EYS: variants seen among roughly 807,000 people sequenced by gnomAD.
EYS encodes EGF-like photoreceptor maintenance factor, also known as protein eyes shut homolog.
Under a neutral mutation model 282.1 loss-of-function variants are expected in EYS, and 250 were observed. The observed-to-expected ratio is 0.89, with a 90% confidence interval of 0.80 to 0.98. EYS has a LOEUF of 0.98. EYS is among the 50% of genes least tolerant of loss of function. The pLI is 0.00. For synonymous variants in EYS, 1,355 were observed against 1,282.9 expected (o/e 1.06, Z -1.20); for missense variants, 4,016 against 3,709.0 (o/e 1.08, Z -2.15).
At chr6:64,278,043 T>C (rs1005469421) in intron 30 of EYS, among the ~76,000 whole-genome samples, 3 of 152,178 alleles carry the variant, frequency 2.0e-5, no homozygotes, top group African/African-American at 7.2e-5. Flanking sequence ...GAGGGGCATG[T>C]AGAAGGTAAT....
intron 30 of EYS, among the ~76,000 whole-genome samples, chr6:64,245,674 C>G (rs1405432520): frequency 1.3e-5 from 2 of 152,048 alleles, no homozygotes; most frequent in Non-Finnish European, 2.9e-5. Flanking sequence ...TCTTCAAATG[C>G]TTTATCATTT....
At chr6:64,011,796 T>C (rs908357838) in intron 33 of EYS, among the ~76,000 whole-genome samples, 1 of 152,172 alleles carries the variant, frequency 6.6e-6, no homozygotes, top group Non-Finnish European at 1.5e-5. Context: ...AGCCATGATG[T>C]AACAGTAAGA....
chr6:65,275,657 C>A (rs2150269937), intron 12 of EYS, among the ~76,000 whole-genome samples: 1 of 152,234 alleles, frequency 6.6e-6, no homozygotes, highest in Non-Finnish European at 1.5e-5. Context: ...TGGGCTGTTT[C>A]TGTAGCCAAT....
chr6:64,896,797 A>AG (rs1026539678), intron 18 of EYS, among the ~76,000 whole-genome samples: 1 of 152,050 alleles, frequency 6.6e-6, no homozygotes, highest in Non-Finnish European at 1.5e-5. Flanking sequence ...AGGTTTGAGT[A>AG]GGGAGTTTTC....
intron 9 of EYS, among the ~76,000 whole-genome samples, chr6:65,348,385 TGCTA>T (rs1770479891): frequency 6.6e-6 from 1 of 151,690 alleles, no homozygotes; most frequent in African/African-American, 2.4e-5. Flanking sequence ...TATACATTCC[TGCTA>T]GCATTTGTTA....
chr6:64,181,842 G>A (rs1284366249), intron 31 of EYS, among the ~76,000 whole-genome samples: 1 of 152,084 alleles, frequency 6.6e-6, no homozygotes, highest in African/African-American at 2.4e-5. Context: ...ATAGGTCACA[G>A]CTTTTGCAAG....
chr6:64,164,379 C>T (rs1775202611), intron 31 of EYS, among the ~76,000 whole-genome samples: 1 of 152,008 alleles, frequency 6.6e-6, no homozygotes, highest in Admixed American at 6.6e-5. Context: ...TAGATCTTGA[C>T]CCCTAACATC....
At chr6:64,422,746 T>C (rs536223966) in intron 28 of EYS, among the ~76,000 whole-genome samples, 416 of 152,310 alleles carry the variant, frequency 2.7e-3, no homozygotes, top group Non-Finnish European at 4.7e-3. Flanking sequence ...TTAATTATTA[T>C]GAGCATAATG....
chr6:64,816,656 A>G (rs1448619468), intron 21 of EYS, among the ~76,000 whole-genome samples: 1 of 152,150 alleles, frequency 6.6e-6, no homozygotes, highest in African/African-American at 2.4e-5. Context: ...ACATATACCA[A>G]TAAGTAATAA....
At position 63,720,587 on chromosome 6, in the gene EYS, A is replaced by T; in HGVS notation, c.*9T>A. The T allele has an allele frequency of 6.9e-7, 1 of 1,450,900 alleles. No homozygotes were observed. Among genetic ancestry groups the T allele is most frequent in the Non-Finnish European group, 9.1e-7 (1 of 1,093,438 alleles). The allele number at this position is 1,450,900 out of a possible 1,614,324, so 89.9% of individuals were successfully genotyped here. ...ATGTATAGTGTGTACTAAAATCTCT[A>T]GTGTTAACTTATGTAACCTCATTTT... On this transcript the variant is annotated 3_prime_UTR_variant, in exon 43 of 43. Coordinates refer to ENST00000503581, the MANE Select transcript of EYS (RefSeq NM_001142800.2).
At chr6:64,497,858 T>C (rs1269343683) in intron 26 of EYS, among the ~76,000 whole-genome samples, 2 of 152,246 alleles carry the variant, frequency 1.3e-5, no homozygotes, top group Non-Finnish European at 2.9e-5. Context: ...ATCAGAGCCA[T>C]TGTACATTTT....
At chr6:63,756,971 G>T (rs141093743) in intron 41 of EYS, among the ~76,000 whole-genome samples, 1 of 152,030 alleles carries the variant, frequency 6.6e-6, no homozygotes. Context: ...CAAATTGATC[G>T]TAAAACATGT....
At chr6:64,900,711 C>T (rs1040789505) in intron 18 of EYS, among the ~76,000 whole-genome samples, 1 of 152,000 alleles carries the variant, frequency 6.6e-6, no homozygotes, top group Admixed American at 6.6e-5. Flanking sequence ...GAATGGCGAT[C>T]ATTAAAAAGT....
At chr6:64,441,194 A>G (rs773915593) in intron 26 of EYS, among the ~76,000 whole-genome samples, 2 of 152,188 alleles carry the variant, frequency 1.3e-5, no homozygotes, top group Non-Finnish European at 2.9e-5. Flanking sequence ...TCAATTTTCA[A>G]GGGAAAAATT....
At chr6:64,686,684 G>A (rs1005934475) in intron 22 of EYS, among the ~76,000 whole-genome samples, 31 of 146,598 alleles carry the variant, frequency 2.1e-4, no homozygotes, top group Non-Finnish European at 4.0e-4. Flanking sequence ...GGAGCTTGCA[G>A]TGAGCCAAGA....
At chr6:64,078,003 A>C (rs1480575825) in intron 32 of EYS, among the ~76,000 whole-genome samples, 1 of 151,994 alleles carries the variant, frequency 6.6e-6, no homozygotes, top group East Asian at 1.9e-4. Flanking sequence ...TAACCCCGTA[A>C]GGATTCAAGT....
At chr6:64,143,426 A>G (rs926310883) in intron 31 of EYS, among the ~76,000 whole-genome samples, 10 of 151,612 alleles carry the variant, frequency 6.6e-5, no homozygotes, top group African/African-American at 1.9e-4. Context: ...GAGCTTGTGC[A>G]TATGGAGGAA....
intron 8 of EYS, among the ~76,000 whole-genome samples, chr6:65,368,987 T>A (rs1765023173): frequency 6.6e-6 from 1 of 151,410 alleles, no homozygotes; most frequent in Admixed American, 6.8e-5. Flanking sequence ...TTGATTTTGT[T>A]ATTTTATGCT....
intron 2 of EYS, among the ~76,000 whole-genome samples, chr6:65,633,808 T>C (rs1767000402): frequency 1.3e-5 from 2 of 152,212 alleles, no homozygotes; most frequent in African/African-American, 4.8e-5. Context: ...AAATAAAGTT[T>C]ATTAAAACAC....
Sources: gnomAD v4.1 joint callset for allele counts (sites outside exome capture counted in the v4.1 genomes callset) on GRCh38, gnomAD v4.1.1 for gene constraint, MANE v1.5 for transcripts, NCBI Gene and HGNC (gene_info 2026-07-23, HGNC 2026-07-21) for gene names.